Variants in SYT1 observed in about 807,000 individuals in gnomAD.
The protein encoded by SYT1 is synaptotagmin 1, also known as synaptotagmin-1.
A neutral mutation model predicts 44.8 loss-of-function variants in SYT1; 8 were observed. The ratio of observed to expected loss-of-function variants is 0.18; its 90% CI spans 0.10 to 0.32. The LOEUF (loss-of-function observed/expected upper bound fraction) is 0.32. Ranked by LOEUF, SYT1 falls within the 10% of genes least tolerant of loss-of-function variation. The pLI, the probability that SYT1 is intolerant of heterozygous loss-of-function variation, is 1.00. For missense variants in SYT1, 286 were observed against 509.3 expected, an observed-to-expected ratio of 0.56 and a Z score of 4.22; for synonymous variants, 154 against 188.8, an observed-to-expected ratio of 0.82 and a Z score of 1.51.
intron 1 of SYT1, among the ~76,000 whole-genome samples, chr12:78,975,620 C>T (rs1440319827): frequency 6.6e-6 from 1 of 152,054 alleles, no homozygotes; most frequent in Non-Finnish European, 1.5e-5. Flanking sequence ...GGCTCTTGCC[C>T]CAGACTCTAC....
At chr12:79,302,812 A>G (rs1268834910) in intron 8 of SYT1, among the ~76,000 whole-genome samples, 2 of 152,116 alleles carry the variant, frequency 1.3e-5, no homozygotes, top group Admixed American at 1.3e-4. Context: ...CTTCTAATAG[A>G]TGAAGGTGGA....
chr12:79,426,100 CT>C (rs1467592951), intron 9 of SYT1, among the ~76,000 whole-genome samples: 2 of 151,840 alleles, frequency 1.3e-5, no homozygotes, highest in East Asian at 3.9e-4. Context: ...AAAAAATAGC[CT>C]TTCTGAAACC....
In SYT1 at chr12:79,370,177, TAAGAG is replaced by T. The variant is rs142499390; in HGVS notation, c.928+16559_928+16563del. 7.6e-4 allele frequency among the ~76,000 whole-genome samples: 116 copies of T among 152,262 alleles called. 2 individuals are homozygous for T. The East Asian group carries it at 0.021, about 28-fold the overall frequency. On this transcript the variant is annotated intron_variant, in intron 9 of 10. Coordinates refer to ENST00000261205, the MANE Select transcript of SYT1 (RefSeq NM_005639.3). The stretch of plus-strand genomic sequence containing the variant: ...TTGCATTCATTTCTGAAAACACACT[TAAGAG>T]GAGAGACATTAACTTTCTGAAGCAA...
intron 3 of SYT1, among the ~76,000 whole-genome samples, chr12:79,085,117 G>C (rs1877294517): frequency 6.6e-6 from 1 of 152,228 alleles, no homozygotes; most frequent in East Asian, 1.9e-4. Flanking sequence ...CACTGTCTCA[G>C]CCACCTATGT....
At chr12:78,894,768 G>T (rs939676517) in intron 1 of SYT1, among the ~76,000 whole-genome samples, 1 of 151,640 alleles carries the variant, frequency 6.6e-6, no homozygotes, top group African/African-American at 2.4e-5. Flanking sequence ...AGACTGGGAG[G>T]TGGGGATGGG....
intron 3 of SYT1, among the ~76,000 whole-genome samples, chr12:79,112,566 C>T (rs1469763474): frequency 6.6e-6 from 1 of 152,024 alleles, no homozygotes; most frequent in East Asian, 1.9e-4. Flanking sequence ...CTGTAAGAAG[C>T]TCAAAGTAGG....
chr12:78,901,563 G>A (rs991679630), intron 1 of SYT1, among the ~76,000 whole-genome samples: 2 of 152,112 alleles, frequency 1.3e-5, no homozygotes, highest in African/African-American at 4.8e-5. Flanking sequence ...TTTAGTGGTT[G>A]AAGCCATTAT....
intron 2 of SYT1, among the ~76,000 whole-genome samples, chr12:79,025,781 A>G (rs1872492273): frequency 6.6e-6 from 1 of 151,646 alleles, no homozygotes; most frequent in Non-Finnish European, 1.5e-5. Flanking sequence ...AGCAAGTTAT[A>G]AAGCCTGTTT....
intron 9 of SYT1, among the ~76,000 whole-genome samples, chr12:79,422,645 C>T (rs971510068): frequency 2.0e-5 from 3 of 151,858 alleles, no homozygotes; most frequent in African/African-American, 7.3e-5. Context: ...TGAGTTAGAA[C>T]TCCTGGGCTC....
At position 79,292,127 on chromosome 12, in the gene SYT1, C is replaced by G; in HGVS notation, c.471C>G (p.Asn157Lys). Residue 157 changes from asparagine to lysine, a missense_variant, in exon 6 of 11, where the codon AAC (asparagine) becomes AAG (lysine). Asn to Lys is a moderately conservative substitution (Grantham distance 94). Coordinates refer to ENST00000261205, the MANE Select transcript of SYT1 (RefSeq NM_005639.3). Reference sequence around the variant, plus strand: ...CACTGGATTATGATTTCCAAAATAACCAGGTCTGAAGTGGAGAAATGTCTT... The same window carrying G: ...CACTGGATTATGATTTCCAAAATAAGCAGGTCTGAAGTGGAGAAATGTCTT... ...QYSLDYDFQN[N>K]QLLVGIIQAA... 1.2e-6 allele frequency: 2 copies of G among 1,613,452 alleles called. No individual in the cohort carries two copies. Among genetic ancestry groups the G allele is most frequent in the Non-Finnish European group, 8.5e-7 (1 of 1,179,804 alleles).
intron 9 of SYT1, among the ~76,000 whole-genome samples, chr12:79,370,440 A>G (rs1310343564): frequency 6.6e-6 from 1 of 152,196 alleles, no homozygotes; most frequent in Non-Finnish European, 1.5e-5. Flanking sequence ...TTAGTTCCCA[A>G]ACAAAAGCTA....
chr12:79,299,428 A>G lies in SYT1; in HGVS notation c.687A>G (p.Val229=), dbSNP rs1880027797. ...GTGGCAAAACCCTAGTGATGGCTGT[A>G]TATGATTTTGATCGTTTCTCTAAGC... ...ELGGKTLVMA[V]YDFDRFSKHD... The change falls in exon 8 of 11, where the codon GTA becomes GTG. Residue 229 remains valine, a synonymous_variant. Transcript: ENST00000261205. 1.9e-6 allele frequency: 3 copies of G among 1,613,428 alleles called. No homozygotes were observed. Among genetic ancestry groups the G allele is most frequent in the Non-Finnish European group, 2.5e-6 (3 of 1,179,610 alleles).
chr12:79,122,932 C>T (rs1471065020), intron 3 of SYT1, among the ~76,000 whole-genome samples: 3 of 152,098 alleles, frequency 2.0e-5, no homozygotes, highest in Non-Finnish European at 4.4e-5. Context: ...TCATTAACAT[C>T]CATCATTTTT....
chr12:79,128,709 A>G (rs1276835981), intron 3 of SYT1, among the ~76,000 whole-genome samples: 2 of 152,222 alleles, frequency 1.3e-5, no homozygotes, highest in Non-Finnish European at 2.9e-5. Context: ...ACAAACCACC[A>G]TGGCACGTGT....
At chr12:79,209,156 T>G (rs920387935) in intron 3 of SYT1, among the ~76,000 whole-genome samples, 3 of 152,176 alleles carry the variant, frequency 2.0e-5, no homozygotes, top group Non-Finnish European at 4.4e-5. Flanking sequence ...TGCTTCCCAC[T>G]TACTTCCCTC....
At chr12:79,192,004 A>G (rs926197066) in intron 3 of SYT1, among the ~76,000 whole-genome samples, 3 of 152,188 alleles carry the variant, frequency 2.0e-5, no homozygotes, top group African/African-American at 7.2e-5. Context: ...GGTACTTTTA[A>G]TATCAATCCA....
chr12:79,306,724 A>G (rs1880415923), intron 8 of SYT1, among the ~76,000 whole-genome samples: 2 of 152,226 alleles, frequency 1.3e-5, no homozygotes, highest in African/African-American at 4.8e-5. Flanking sequence ...GAGAGTTTTC[A>G]GCTGAATTTT....
At chr12:79,325,857 A>G (rs1202554132) in intron 8 of SYT1, among the ~76,000 whole-genome samples, 1 of 152,232 alleles carries the variant, frequency 6.6e-6, no homozygotes, top group Non-Finnish European at 1.5e-5. Context: ...TGCAATATGC[A>G]AAAACACCCA....
At chr12:79,012,040 G>A (rs1272757896) in intron 2 of SYT1, among the ~76,000 whole-genome samples, 1 of 151,080 alleles carries the variant, frequency 6.6e-6, no homozygotes, top group Non-Finnish European at 1.5e-5. Flanking sequence ...GCTGAGGCAG[G>A]AGAATTGCTT....
Sources: allele counts gnomAD v4.1 joint callset (sites outside exome capture counted in the v4.1 genomes callset), GRCh38; gene constraint gnomAD v4.1.1; transcripts MANE v1.5; gene names NCBI Gene and HGNC (gene_info 2026-07-23, HGNC 2026-07-21).